FRY: variants seen among roughly 807,000 people sequenced by gnomAD.
The protein encoded by FRY is protein furry homolog.
FRY carries 128 observed loss-of-function variants against 348.4 expected under a neutral mutation model. The observed-to-expected ratio is 0.37, with a 90% CI of 0.32 to 0.43. The LOEUF is 0.43. FRY is among the 20% of genes least tolerant of loss of function. The pLI, the probability that FRY is intolerant of heterozygous loss-of-function variation, is 1.00. For missense variants in FRY, 2,736 were observed against 3,695.2 expected, an observed-to-expected ratio of 0.74 and a Z score of 6.73; for synonymous variants, 1,370 against 1,374.7, an observed-to-expected ratio of 1.00 and a Z score of 0.08.
At chr13:32,184,097 T>C (rs1191755339) in intron 24 of FRY, among the ~76,000 whole-genome samples, 2 of 151,952 alleles carry the variant, frequency 1.3e-5, no homozygotes, top group Non-Finnish European at 2.9e-5. Context: ...AAGAATCACT[T>C]GAGCCCAGGA....
At chr13:32,075,780 C>T (rs1221203972) in intron 1 of FRY, among the ~76,000 whole-genome samples, 3 of 152,126 alleles carry the variant, frequency 2.0e-5, no homozygotes, top group Non-Finnish European at 2.9e-5. Context: ...TGGAAGTGGA[C>T]CTAGTTCAAG....
intron 47 of FRY, among the ~76,000 whole-genome samples, chr13:32,246,230 A>G (rs1281806136): frequency 2.6e-5 from 4 of 152,362 alleles, no homozygotes; most frequent in Admixed American, 6.5e-5. Flanking sequence ...CCTTGCGCAG[A>G]ATTTAATAGA....
chr13:32,217,514 T>A (rs1255566724), intron 35 of FRY, among the ~76,000 whole-genome samples: 2 of 152,192 alleles, frequency 1.3e-5, no homozygotes, highest in African/African-American at 4.8e-5. Flanking sequence ...ATAACCCTAA[T>A]TAAATAAAAG....
chr13:32,232,214 A>T (rs1885954009), intron 41 of FRY, among the ~76,000 whole-genome samples: 1 of 152,228 alleles, frequency 6.6e-6, no homozygotes, highest in Non-Finnish European at 1.5e-5. Context: ...TAAACCATTA[A>T]TTAATCTAAA....
chr13:32,111,934 A>G (rs923574462), intron 3 of FRY, among the ~76,000 whole-genome samples: 5 of 152,154 alleles, frequency 3.3e-5, no homozygotes, highest in African/African-American at 4.8e-5. Context: ...CCTTTCTCTC[A>G]AGGGTCTAAT....
intron 56 of FRY, chr13:32,275,192 C>G: frequency 2.2e-6 from 1 of 459,512 alleles, no homozygotes; most frequent in Non-Finnish European, 4.1e-6. Context: ...TCCTGGCTAA[C>G]ACGGTGAAAC....
intron 46 of FRY, among the ~76,000 whole-genome samples, chr13:32,242,758 C>T (rs1593791053): frequency 6.6e-6 from 1 of 152,194 alleles, no homozygotes; most frequent in Non-Finnish European, 1.5e-5. Flanking sequence ...TGGTCTTGTA[C>T]TCCTGACCTC....
chr13:32,124,085 G>A (rs906916936), intron 4 of FRY, among the ~76,000 whole-genome samples: 5 of 152,050 alleles, frequency 3.3e-5, no homozygotes, highest in African/African-American at 7.3e-5. Flanking sequence ...TAATCTGCCC[G>A]CCTCGGCCTC....
At chr13:32,122,447 A>T (rs1024342214) in intron 4 of FRY, among the ~76,000 whole-genome samples, 11 of 150,976 alleles carry the variant, frequency 7.3e-5, no homozygotes, top group African/African-American at 2.5e-4. Flanking sequence ...GCCTCAGAAA[A>T]AAAAAAAGAA....
chr13:32,081,727 C>T (rs1358261687), intron 2 of FRY, among the ~76,000 whole-genome samples: 1 of 152,100 alleles, frequency 6.6e-6, no homozygotes, highest in Non-Finnish European at 1.5e-5. Flanking sequence ...CTTATTTTTG[C>T]CTACTTGTAG....
At chr13:32,089,347 A>C (rs983102321) in intron 2 of FRY, among the ~76,000 whole-genome samples, 1 of 152,190 alleles carries the variant, frequency 6.6e-6, no homozygotes, top group Admixed American at 6.5e-5. Flanking sequence ...TTTCTACTCA[A>C]TTCCTAAGTT....
At chr13:32,158,749 CT>C (rs1294964504) in intron 16 of FRY, among the ~76,000 whole-genome samples, 1 of 151,776 alleles carries the variant, frequency 6.6e-6, no homozygotes, top group Admixed American at 6.6e-5. Context: ...GAAACCCCAT[CT>C]TTACTAATAA....
intron 55 of FRY, among the ~76,000 whole-genome samples, chr13:32,271,909 G>A (rs1593832259): frequency 6.6e-6 from 1 of 152,326 alleles, no homozygotes; most frequent in East Asian, 1.9e-4. Flanking sequence ...GGAAGGTGGG[G>A]CCAGGCATGG....
chr13:32,210,719 G>T (rs1884636044), intron 33 of FRY, 147 bp from the exon 34 acceptor site: 4 of 701,670 alleles, frequency 5.7e-6, no homozygotes, highest in Non-Finnish European at 5.1e-6. Context: ...CCAAGTCCTT[G>T]GTCCATCCTA....
At position 32,209,080 on chromosome 13, in the gene FRY, C is replaced by T; in HGVS notation, c.4246C>T (p.Leu1416=). Residue 1416 remains leucine (L), a synonymous_variant, in exon 32 of 61, where the codon CTG becomes TTG. Transcript: ENST00000542859. The part of the protein sequence containing the change: ...WGSPEATSLV[L]NNLMYMTAKY... The stretch of plus-strand genomic sequence containing the variant: ...CTCTCCAGAAGCCACGTCACTGGTC[C>T]TGAACAACCTCATGTACATGACGGC... 1.9e-6 allele frequency: 3 copies of T among 1,614,090 alleles called. No individual in the cohort carries two copies. The highest frequency in any genetic ancestry group is 2.5e-6 in the Non-Finnish European group (3 of 1,180,030).
At chr13:32,287,391 G>A (rs1000858714) in intron 58 of FRY, among the ~76,000 whole-genome samples, 1 of 152,152 alleles carries the variant, frequency 6.6e-6, no homozygotes, top group Non-Finnish European at 1.5e-5. Flanking sequence ...TTAATTGGAA[G>A]GTCATAGTTT....
Position 32,145,587 on chromosome 13 carries a change from G to T in FRY, c.1180-1695G>T, listed in dbSNP as rs573104299. 1.5e-3 allele frequency among the ~76,000 whole-genome samples: 208 copies of T among 143,378 alleles called. 1 individual carries two copies. Among genetic ancestry groups the T allele is most frequent in the Non-Finnish European group, 2.5e-3 (167 of 66,742 alleles). The allele number at this position is 143,378 out of a possible 152,430, so 94.1% of individuals were successfully genotyped here. ...GAGTCTCGCTCTGTCGCCCAGGCCGGACTGCGGACTGCAGTGGTGCAATCT... is the reference window on the plus strand; with the variant it reads ...GAGTCTCGCTCTGTCGCCCAGGCCGTACTGCGGACTGCAGTGGTGCAATCT... On this transcript the variant is annotated intron_variant, in intron 11 of 60. Transcript: ENST00000542859.
In FRY at chr13:32,208,945, G is replaced by C. The variant is rs1220556046; in HGVS notation, c.4111G>C (p.Asp1371His). Residue 1371 changes from aspartate to histidine, a missense_variant, in exon 32 of 61, where the codon GAC (aspartate) becomes CAC (histidine). Physicochemically the swap from Asp to His is moderately conservative, Grantham distance 81. Transcript: ENST00000542859. ...CTGGCTGCACAACATCGAGCTGGTG[G>C]ACAGCAGGCTCCTCCTCCCGGGGTC... Reference protein sequence around the residue: ...LPWLHNIELVDSRLLLPGSSP... With the variant: ...LPWLHNIELVHSRLLLPGSSP... 6 of 1,614,062 alleles carry C rather than the reference G, an allele frequency of 3.7e-6. No homozygotes were observed. The highest frequency in any genetic ancestry group is 5.1e-6 in the Non-Finnish European group (6 of 1,180,044).
At chr13:32,094,805 G>C (rs2138601737) in intron 2 of FRY, among the ~76,000 whole-genome samples, 1 of 152,226 alleles carries the variant, frequency 6.6e-6, no homozygotes, top group East Asian at 1.9e-4. Flanking sequence ...ATTGTGCACA[G>C]AGCTGCAACA....
Sources: allele counts gnomAD v4.1 joint callset (sites outside exome capture counted in the v4.1 genomes callset), GRCh38; gene constraint gnomAD v4.1.1; transcripts MANE v1.5; gene names NCBI Gene and HGNC (gene_info 2026-07-23, HGNC 2026-07-21).